Variants in AFF2 observed in about 807,000 individuals in gnomAD.
AFF2 encodes ALF transcription elongation factor 2.
AFF2 carries 14 observed loss-of-function variants against 76.9 expected under a neutral mutation model. The observed-to-expected ratio is 0.18, with a 90% CI of 0.12 to 0.28. The LOEUF (loss-of-function observed/expected upper bound fraction) is 0.28. AFF2 is among the 10% of genes least tolerant of loss of function. The probability of loss-of-function intolerance (pLI) is 1.00; values close to 1 mark genes in which losing one functional copy is unlikely to be tolerated. For missense variants in AFF2, 868 were observed against 1,001.1 expected (o/e 0.87, Z 1.79); for synonymous variants, 398 against 366.7 (o/e 1.09, Z -0.98).
intron 3 of AFF2, among the ~76,000 whole-genome samples, chrX:148,717,372 G>A (rs1271267712): frequency 9.8e-6 from 1 of 102,154 alleles, no homozygotes; most frequent in Non-Finnish European, 2.0e-5. Flanking sequence ...AGTCCCTAGA[G>A]ACAGAAAGCA....
intron 1 of AFF2, among the ~76,000 whole-genome samples, chrX:148,561,357 G>A (rs1470169138): frequency 1.8e-5 from 2 of 111,863 alleles, no homozygotes; most frequent in East Asian, 5.7e-4. Context: ...CAGGCAGGGA[G>A]TCTTGTTTGC....
intron 12 of AFF2, among the ~76,000 whole-genome samples, chrX:148,961,034 C>T (rs901204088): frequency 1.8e-5 from 2 of 112,107 alleles, no homozygotes; most frequent in Non-Finnish European, 3.8e-5. Context: ...GGCCAGGTCA[C>T]GGGTGCTCAC....
At chrX:148,810,012 GT>G (rs2070184053) in intron 4 of AFF2, 92 bp downstream of exon 4, 1 of 876,845 alleles carries the variant, frequency 1.1e-6, no homozygotes. Flanking sequence ...GTTTCAAGGA[GT>G]TTCATGATGG....
intron 1 of AFF2, among the ~76,000 whole-genome samples, chrX:148,614,789 T>TCTTC (rs1337449572): frequency 5.6e-5 from 4 of 70,929 alleles, no homozygotes; most frequent in African/African-American, 1.5e-4. Flanking sequence ...TTTCTTTCTT[T>TCTTC]CTTCCTTTCT....
rs17318045 is a variant in AFF2, at chrX:148,597,832, T to C, written c.48-54167T>C. On this transcript the variant is annotated intron_variant, in intron 1 of 20. Transcript: ENST00000370460. The stretch of plus-strand genomic sequence containing the variant: ...ACCACATATCCCGCCGGCGCCTTAT[T>C]GCTAATCGCAAACTCTTCGTTTTAC... Among the ~76,000 whole-genome samples, 1,003 of 112,487 alleles carry C rather than the reference T, an allele frequency of 8.9e-3. 10 individuals are homozygous for C. The highest frequency in any genetic ancestry group is 0.015 in the Non-Finnish European group (791 of 53,284).
intron 15 of AFF2, among the ~76,000 whole-genome samples, chrX:148,971,747 C>CTTTTTTTTTT: frequency 2.2e-5 from 1 of 44,731 alleles, no homozygotes; most frequent in Non-Finnish European, 3.8e-5. Context: ...TTTTCTATTT[C>CTTTTTTTTTT]TTTTTTTTTT....
chrX:148,996,413 C>G lies in AFF2; in HGVS notation c.*5081C>G, dbSNP rs782571020. 6.2e-5 allele frequency: 7 copies of G among 112,801 alleles called. No homozygotes were observed. Among genetic ancestry groups the G allele is most frequent in the Admixed American group, 9.3e-5 (1 of 10,717 alleles). The allele number at this position is 112,801 out of a possible 1,213,427, so 9.3% of individuals were successfully genotyped here. On this transcript the variant is annotated 3_prime_UTR_variant, in exon 21 of 21. Coordinates refer to ENST00000370460, the MANE Select transcript of AFF2 (RefSeq NM_002025.4). ...TACCACTTTAGATGATTTTAAGCTA[C>G]CAACTGTGATGTCACTGAACACATG...
chrX:148,654,349 G>A (rs781979877), intron 2 of AFF2, among the ~76,000 whole-genome samples: 2 of 111,533 alleles, frequency 1.8e-5, no homozygotes, highest in Non-Finnish European at 3.8e-5. Flanking sequence ...GGTCATTGTG[G>A]GATGCCAAAC....
chrX:148,630,808 G>A (rs1557252933), intron 1 of AFF2, among the ~76,000 whole-genome samples: 1 of 111,909 alleles, frequency 8.9e-6, no homozygotes, highest in Non-Finnish European at 1.9e-5. Flanking sequence ...TCAAATCTCT[G>A]GTTCAGCCTG....
At chrX:148,931,495 T>C (rs2071713533) in intron 9 of AFF2, among the ~76,000 whole-genome samples, 1 of 111,899 alleles carries the variant, frequency 8.9e-6, no homozygotes, top group Non-Finnish European at 1.9e-5. Context: ...TTAGTCACTA[T>C]ATAAACACAA....
chrX:148,623,741 G>T (rs782562096), intron 1 of AFF2, among the ~76,000 whole-genome samples: 2 of 110,472 alleles, frequency 1.8e-5, no homozygotes, highest in African/African-American at 6.6e-5. Context: ...TGGAAGACTC[G>T]TGTAGGTATT....
intron 19 of AFF2, among the ~76,000 whole-genome samples, chrX:148,987,068 G>A (rs1407641400): frequency 3.6e-5 from 4 of 110,877 alleles, no homozygotes; most frequent in Non-Finnish European, 3.8e-5. Context: ...TGGGTGGCTT[G>A]GTCAGATGAG....
chrX:148,574,985 T>TGA (rs1218595029), intron 1 of AFF2, among the ~76,000 whole-genome samples: 43 of 86,156 alleles, frequency 5.0e-4, no homozygotes, highest in South Asian at 3.0e-3. Context: ...TGTGTGTGTG[T>TGA]GAGAGAGAGA....
intron 1 of AFF2, among the ~76,000 whole-genome samples, chrX:148,549,578 C>T (rs995501687): frequency 9.0e-6 from 1 of 111,656 alleles, no homozygotes; most frequent in Non-Finnish European, 1.9e-5. Flanking sequence ...TCCCCAAATA[C>T]ATCATAATCC....
At chrX:148,514,586 G>C (rs1557233565) in intron 1 of AFF2, among the ~76,000 whole-genome samples, 1 of 112,463 alleles carries the variant, frequency 8.9e-6, no homozygotes, top group African/African-American at 3.2e-5. Context: ...ATGTGATGTT[G>C]ATCCTTTAAC....
intron 15 of AFF2, among the ~76,000 whole-genome samples, chrX:148,968,460 T>C (rs1226553169): frequency 1.8e-5 from 2 of 111,864 alleles, no homozygotes; most frequent in African/African-American, 6.5e-5. Context: ...AGATTCCCAA[T>C]TGCAGATATT....
intron 3 of AFF2, among the ~76,000 whole-genome samples, chrX:148,702,921 G>T (rs2054821467): frequency 8.9e-6 from 1 of 111,932 alleles, no homozygotes; most frequent in African/African-American, 3.2e-5. Context: ...AGCCCCTCTA[G>T]ACTCACTTGG....
At chrX:148,619,302 G>C (rs929620146) in intron 1 of AFF2, among the ~76,000 whole-genome samples, 1 of 111,373 alleles carries the variant, frequency 9.0e-6, no homozygotes, top group Non-Finnish European at 1.9e-5. Flanking sequence ...GATAATGATC[G>C]GTACTGTGTG....
intron 1 of AFF2, among the ~76,000 whole-genome samples, chrX:148,512,424 G>A (rs782143308): frequency 1.2e-4 from 13 of 112,140 alleles, no homozygotes; most frequent in Non-Finnish European, 2.3e-4. Flanking sequence ...GGACACCCAC[G>A]ACACACGTCT....
Sources: gnomAD v4.1 joint callset for allele counts (sites outside exome capture counted in the v4.1 genomes callset) on GRCh38, gnomAD v4.1.1 for gene constraint, MANE v1.5 for transcripts, NCBI Gene and HGNC (gene_info 2026-07-23, HGNC 2026-07-21) for gene names.